ZSWIM6: variants seen among roughly 807,000 people sequenced by gnomAD.
ZSWIM6 encodes zinc finger SWIM-type containing 6.
In ZSWIM6, 9 loss-of-function variants were observed where a neutral mutation model predicts 113.2. The ratio of observed to expected loss-of-function variants is 0.08; its 90% CI spans 0.05 to 0.14. The LOEUF (loss-of-function observed/expected upper bound fraction) is 0.14. ZSWIM6 is among the 10% of genes least tolerant of loss of function. ZSWIM6 has a pLI of 1.00. For synonymous variants in ZSWIM6, 611 were observed against 606.5 expected (o/e 1.01, Z -0.11); for missense variants, 1,162 against 1,552.2 (o/e 0.75, Z 4.22).
intron 3 of ZSWIM6, 76 bp downstream of exon 3, chr5:61,491,010 C>A: frequency 1.5e-6 from 2 of 1,333,340 alleles, no homozygotes; most frequent in Non-Finnish European, 9.9e-7. Flanking sequence ...ATCATGTCTA[C>A]AATAGGATAA....
Position 61,494,428 on chromosome 5 carries a change from C to T in ZSWIM6, c.1333+18C>T, listed in dbSNP as rs545945543. 5 of 1,550,396 alleles carry T rather than the reference C, an allele frequency of 3.2e-6. No individual in the cohort carries two copies. In the Admixed American group the frequency reaches 7.8e-5, roughly 24 times the overall value. ...TGAGCTGGGTAAGCATGTTTCCTCA[C>T]AAATTACCATTGATTTGCATATGGA... On this transcript the variant is annotated intron_variant, in intron 4 of 13. Transcript: ENST00000252744.
At chr5:61,384,102 G>A (rs939534986) in intron 1 of ZSWIM6, among the ~76,000 whole-genome samples, 4 of 150,412 alleles carry the variant, frequency 2.7e-5, no homozygotes, top group Admixed American at 1.3e-4. Context: ...TTAGCCGGGC[G>A]CGGTGGCGGG....
rs1219584028 is a variant in ZSWIM6 at position 61,348,632 on chromosome 5, G to T, written c.676+15684G>T. ...TTTATGAGTTGCTGTTTTCCTCTTCGATCCTTTACAATTGTGCAACAATTA... is the reference window on the plus strand; with the variant it reads ...TTTATGAGTTGCTGTTTTCCTCTTCTATCCTTTACAATTGTGCAACAATTA... On this transcript the variant is annotated intron_variant, in intron 1 of 13. Transcript: ENST00000252744. Among the ~76,000 whole-genome samples, 3 of 152,014 alleles carry T rather than the reference G, an allele frequency of 2.0e-5. No individual in the cohort carries two copies. The East Asian group carries it at 5.8e-4, about 29-fold the overall frequency.
At chr5:61,489,817 GC>G (rs1473123913) in intron 2 of ZSWIM6, among the ~76,000 whole-genome samples, 1 of 151,986 alleles carries the variant, frequency 6.6e-6, no homozygotes, top group Non-Finnish European at 1.5e-5. Flanking sequence ...TTTCAGGCAG[GC>G]TCAGGGATCC....
chr5:61,345,100 A>G (rs377140936), intron 1 of ZSWIM6, among the ~76,000 whole-genome samples: 60 of 152,164 alleles, frequency 3.9e-4, no homozygotes, highest in African/African-American at 1.4e-3. Context: ...TTTATTTACT[A>G]TGCCTCGGGG....
intron 12 of ZSWIM6, among the ~76,000 whole-genome samples, chr5:61,540,938 G>T (rs6878278): frequency 0.075 from 7,140 of 95,536 alleles, 443 homozygotes; most frequent in African/African-American, 0.21. Context: ...TTTTTTTTTT[G>T]TTGTTGTTGT....
chr5:61,340,145 T>A (rs1203844880), intron 1 of ZSWIM6, among the ~76,000 whole-genome samples: 1 of 152,020 alleles, frequency 6.6e-6, no homozygotes, highest in Non-Finnish European at 1.5e-5. Context: ...CATTTCCTTA[T>A]TTTTTTTCAT....
intron 1 of ZSWIM6, among the ~76,000 whole-genome samples, chr5:61,339,712 T>A (rs1561197838): frequency 6.6e-6 from 1 of 152,196 alleles, no homozygotes; most frequent in Non-Finnish European, 1.5e-5. Context: ...GGCAGGTCTT[T>A]TTAAAAAGGT....
intron 1 of ZSWIM6, among the ~76,000 whole-genome samples, chr5:61,352,485 C>G (rs1744811786): frequency 6.6e-6 from 1 of 152,182 alleles, no homozygotes. Context: ...CATAACTCTC[C>G]AGGAGGAGGC....
chr5:61,408,307 A>C (rs1746082047), intron 1 of ZSWIM6, among the ~76,000 whole-genome samples: 1 of 152,228 alleles, frequency 6.6e-6, no homozygotes, highest in African/African-American at 2.4e-5. Flanking sequence ...ACGAAGTTGG[A>C]GGGAGATTTT....
intron 1 of ZSWIM6, among the ~76,000 whole-genome samples, chr5:61,415,805 C>A (rs7734879): frequency 0.36 from 54,018 of 151,914 alleles, 9,781 homozygotes; most frequent in African/African-American, 0.41. Flanking sequence ...GTATATGCTG[C>A]ATTCTACCTC....
Position 61,399,171 on chromosome 5 carries a change from C to T in ZSWIM6, c.676+66223C>T, listed in dbSNP as rs187668064. ...AACTCCTGACCTCAGGTGATCCACC[C>T]GCCTCAGCCTCCCAAAGGGCTGGGA... On this transcript the variant is annotated intron_variant, in intron 1 of 13. Coordinates refer to ENST00000252744, the MANE Select transcript of ZSWIM6 (RefSeq NM_020928.2). Among the ~76,000 whole-genome samples, 637 of 150,290 alleles carry T rather than the reference C, an allele frequency of 4.2e-3. 3 individuals are homozygous for T. Among genetic ancestry groups the T allele is most frequent in the African/African-American group, 0.015 (604 of 40,924 alleles).
intron 1 of ZSWIM6, among the ~76,000 whole-genome samples, chr5:61,431,755 A>G (rs1287364649): frequency 2.0e-5 from 3 of 152,160 alleles, no homozygotes; most frequent in Non-Finnish European, 4.4e-5. Context: ...AAAAAAAACA[A>G]AACAAAAAAA....
intron 2 of ZSWIM6, among the ~76,000 whole-genome samples, chr5:61,486,302 G>A (rs908889499): frequency 1.3e-4 from 20 of 151,850 alleles, no homozygotes; most frequent in African/African-American, 4.8e-4. Context: ...TTTTTTTTAT[G>A]GCCAAATAGT....
At chr5:61,356,930 C>A (rs759744638) in intron 1 of ZSWIM6, among the ~76,000 whole-genome samples, 9 of 150,176 alleles carry the variant, frequency 6.0e-5, no homozygotes, top group Non-Finnish European at 1.0e-4. Flanking sequence ...ATTTTACTAT[C>A]CAGTTTATAA....
intron 1 of ZSWIM6, among the ~76,000 whole-genome samples, chr5:61,417,920 T>C (rs1746288144): frequency 6.6e-6 from 1 of 152,230 alleles, no homozygotes; most frequent in African/African-American, 2.4e-5. Context: ...CCATTGAGGA[T>C]ATCACAGGAT....
intron 1 of ZSWIM6, among the ~76,000 whole-genome samples, chr5:61,428,214 T>A (rs985112214): frequency 1.3e-5 from 2 of 152,200 alleles, no homozygotes; most frequent in Non-Finnish European, 2.9e-5. Flanking sequence ...TGACTTAAAG[T>A]TAAGGACTGT....
chr5:61,333,031 C>T, intron 1 of ZSWIM6, 83 bp downstream of exon 1: 9 of 1,082,542 alleles, frequency 8.3e-6, no homozygotes, highest in Non-Finnish European at 9.1e-6. Context: ...CTCCTGCGGA[C>T]AGCCCCTAGT....
chr5:61,476,656 T>A (rs1470839047), intron 2 of ZSWIM6, among the ~76,000 whole-genome samples: 1 of 152,208 alleles, frequency 6.6e-6, no homozygotes, highest in Admixed American at 6.5e-5. Context: ...TCCATATTCT[T>A]AAAAAAGAAG....
Sources: gnomAD v4.1 joint callset for allele counts (sites outside exome capture counted in the v4.1 genomes callset) on GRCh38, gnomAD v4.1.1 for gene constraint, MANE v1.5 for transcripts, NCBI Gene and HGNC (gene_info 2026-07-23, HGNC 2026-07-21) for gene names.